Variants in MSI1 observed in about 807,000 individuals in gnomAD.
MSI1 encodes the protein RNA-binding protein Musashi homolog 1.
MSI1 carries 15 observed loss-of-function variants against 54.4 expected under a neutral mutation model. The ratio of observed to expected loss-of-function variants is 0.28; its 90% CI spans 0.18 to 0.42. The LOEUF is 0.42. Among genes scored for constraint, MSI1 ranks in the 20% least tolerant of loss-of-function variants. The pLI is 1.00. For missense variants in MSI1, 304 were observed against 506.0 expected (o/e 0.60, Z 3.83); for synonymous variants, 200 against 196.5 (o/e 1.02, Z -0.15).
intron 5 of MSI1, 72 bp from the exon 6 acceptor site, chr12:120,363,207 C>G: frequency 7.4e-7 from 1 of 1,349,090 alleles, no homozygotes; most frequent in Non-Finnish European, 1.1e-6. Context: ...GGGCTCGAGC[C>G]CCCCTGCCAG....
At chr12:120,364,676 A>G in intron 5 of MSI1, 38 bp downstream of exon 5, 2 of 1,555,496 alleles carry the variant, frequency 1.3e-6, no homozygotes, top group Middle Eastern at 1.7e-4. Flanking sequence ...AGCATTGCCC[A>G]TAGTAAGAGA....
downstream of MSI1, among the ~76,000 whole-genome samples, chr12:120,340,686 A>C (rs1343767321): frequency 6.7e-6 from 1 of 150,140 alleles, no homozygotes; most frequent in Non-Finnish European, 1.5e-5. Context: ...TAAATAATTT[A>C]ATATTTTATA....
At position 120,364,830 on chromosome 12, in the gene MSI1, C is replaced by T. The variant is rs1294872105; in HGVS notation, c.268-75G>A. 3 of 1,314,074 alleles carry T rather than the reference C, an allele frequency of 2.3e-6. No homozygotes were observed. In the East Asian group the frequency reaches 7.4e-5, roughly 32 times the overall value. 81.4% of individuals were successfully genotyped at this position (1,314,074 alleles called of 1,614,324 possible). A position where few individuals can be genotyped will look rare whatever the true frequency, so the allele number is the denominator to read the frequency against. On this transcript the variant is annotated intron_variant, in intron 4 of 14. Coordinates refer to ENST00000257552, the MANE Select transcript of MSI1 (RefSeq NM_002442.4). ...AAGAGCGACCACACAGCCTTCAGCC[C>T]TCAGGACCTCTCTCCTCCCAGGACA...
intron 14 of MSI1, among the ~76,000 whole-genome samples, chr12:120,343,491 T>A (rs1162112748): frequency 6.6e-6 from 1 of 152,114 alleles, no homozygotes. Flanking sequence ...CCCAAAGATC[T>A]GGGATTACGA....
rs1341752151 is a variant in MSI1 at position 120,341,919 on chromosome 12, G to A, written c.*1208C>T. On this transcript the variant is annotated 3_prime_UTR_variant, in exon 15 of 15. Coordinates refer to ENST00000257552, the MANE Select transcript of MSI1 (RefSeq NM_002442.4). ...AGGCCACTGTTCATGAAGGTCCAAC[G>A]CTCTGAACCTCTCTTTTTCCTTAGA... 1.6e-4 allele frequency: 25 copies of A among 152,806 alleles called. No individual in the cohort carries two copies. In the East Asian group the frequency reaches 4.6e-3, roughly 28 times the overall value. The allele number at this position is 152,806 out of a possible 1,614,324, so 9.5% of individuals were successfully genotyped here. A position where few individuals can be genotyped will look rare whatever the true frequency, so the allele number is the denominator to read the frequency against.
chr12:120,344,765 T>C (rs1299601124), intron 14 of MSI1, among the ~76,000 whole-genome samples: 1 of 151,656 alleles, frequency 6.6e-6, no homozygotes, highest in African/African-American at 2.4e-5. Flanking sequence ...CCCAGCACTT[T>C]GGGAGGCCGA....
rs112030390 is a variant in MSI1, at chr12:120,368,724, G to T, written c.100+109C>A. ...GGCGGGGCGCGAAAGAGGGCGCGAG[G>T]GCGCCCGGGGTCAGCAGGGCGCAGG... On this transcript the variant is annotated intron_variant, in intron 2 of 14. Coordinates refer to ENST00000257552, the MANE Select transcript of MSI1 (RefSeq NM_002442.4). The surrounding 1 kb of genome is among the most constrained non-coding windows in gnomAD (Gnocchi z 6.6). 2 of 1,042,746 alleles carry T rather than the reference G, an allele frequency of 1.9e-6. No homozygotes were observed. The highest frequency in any genetic ancestry group is 2.4e-6 in the Non-Finnish European group (2 of 819,092). The allele number at this position is 1,042,746 out of a possible 1,614,324, so 64.6% of individuals were successfully genotyped here.
chr12:120,353,506 T>C, intron 9 of MSI1, 127 bp from the exon 10 acceptor site: 1 of 792,488 alleles, frequency 1.3e-6, no homozygotes, highest in Admixed American at 2.2e-5. Flanking sequence ...ACCCTCCAAA[T>C]ACCTTCTTCA....
chr12:120,351,743 C>G (rs1232880679), intron 10 of MSI1, among the ~76,000 whole-genome samples: 47 of 142,228 alleles, frequency 3.3e-4, no homozygotes, highest in Non-Finnish European at 6.0e-5. Context: ...GAGTCTCGCT[C>G]TGTCGCCCGG....
At chr12:120,346,025 C>T in intron 13 of MSI1, 110 bp downstream of exon 13, 2 of 990,644 alleles carry the variant, frequency 2.0e-6, no homozygotes, top group Non-Finnish European at 2.9e-6. Context: ...ATTCATCCTC[C>T]CTCACCCTCC....
At chr12:120,363,258 A>C in intron 5 of MSI1, 123 bp from the exon 6 acceptor site, 2 of 668,574 alleles carry the variant, frequency 3.0e-6, no homozygotes, top group Non-Finnish European at 4.9e-6. Flanking sequence ...AGCCTCTTTA[A>C]AGGCCCCCCC....
intron 5 of MSI1, among the ~76,000 whole-genome samples, chr12:120,364,116 G>A (rs1875868932): frequency 6.6e-6 from 1 of 152,242 alleles, no homozygotes; most frequent in South Asian, 2.1e-4. Flanking sequence ...TTTTTTGAGT[G>A]TTGTATCACT....
At chr12:120,353,249 C>T in intron 10 of MSI1, 50 bp downstream of exon 10, 1 of 1,582,548 alleles carries the variant, frequency 6.3e-7, no homozygotes, top group Non-Finnish European at 8.7e-7. Flanking sequence ...GTCAGACTGC[C>T]CGGGAACCAG....
rs1873782871 is a variant in MSI1, at chr12:120,342,783, TG to T, written c.*343del. On this transcript the variant is annotated 3_prime_UTR_variant, in exon 15 of 15. Coordinates refer to ENST00000257552, the MANE Select transcript of MSI1 (RefSeq NM_002442.4). ...GCTATGCACAAATCCAAAAGCCTTTTGGGGAGGGGGCGGTCCTAGGGGGGCG... is the reference window on the plus strand; with the variant it reads ...GCTATGCACAAATCCAAAAGCCTTTTGGGAGGGGGCGGTCCTAGGGGGGCG... The T allele has an allele frequency of 9.2e-6, 1 of 109,274 alleles. No individual in the cohort carries two copies. Among genetic ancestry groups the T allele is most frequent in the Non-Finnish European group, 1.9e-5 (1 of 52,380 alleles). 6.8% of individuals were successfully genotyped at this position (109,274 alleles called of 1,614,324 possible).
chr12:120,364,521 C>T (rs932115270), intron 5 of MSI1, among the ~76,000 whole-genome samples, 193 bp downstream of exon 5: 5 of 152,086 alleles, frequency 3.3e-5, no homozygotes, highest in African/African-American at 9.7e-5. Flanking sequence ...CCAGAGCTCA[C>T]GTGGAAAGAC....
In MSI1 at chr12:120,368,999, G is replaced by T. The variant is rs1162401741; in HGVS notation, c.59+34C>A. The T allele has an allele frequency of 8.2e-6, 9 of 1,094,484 alleles. No homozygotes were observed. The highest frequency in any genetic ancestry group is 1.0e-5 in the Non-Finnish European group (9 of 898,740). The allele number at this position is 1,094,484 out of a possible 1,614,324, so 67.8% of individuals were successfully genotyped here. A position where few individuals can be genotyped will look rare whatever the true frequency, so the allele number is the denominator to read the frequency against. On this transcript the variant is annotated intron_variant, in intron 1 of 14. Coordinates refer to ENST00000257552, the MANE Select transcript of MSI1 (RefSeq NM_002442.4). This position sits in a 1 kb window ranked among gnomAD's most constrained non-coding sequence, Gnocchi z 6.6. Reference sequence around the variant, plus strand: ...TCGGCCATGTTGGCGGGGCCGGGGCGGGCGCGGGCCAAGCAGGCCGGGCCG... The same window carrying T: ...TCGGCCATGTTGGCGGGGCCGGGGCTGGCGCGGGCCAAGCAGGCCGGGCCG...
intron 11 of MSI1, among the ~76,000 whole-genome samples, chr12:120,347,813 G>C (rs1176692728): frequency 6.6e-6 from 1 of 152,146 alleles, no homozygotes; most frequent in East Asian, 1.9e-4. Context: ...GGTGGAGGCA[G>C]GGCACCCAAC....
intron 4 of MSI1, among the ~76,000 whole-genome samples, chr12:120,365,004 G>A (rs944786354): frequency 2.0e-5 from 3 of 152,088 alleles, no homozygotes; most frequent in East Asian, 1.9e-4. Flanking sequence ...TCTGCCTCTC[G>A]GGTTCAAGTG....
At position 120,368,878 on chromosome 12, in the gene MSI1, G is replaced by A. The variant is rs750231320; in HGVS notation, c.60-5C>T. 3.4e-6 allele frequency: 5 copies of A among 1,464,366 alleles called. No individual in the cohort carries two copies. In the South Asian group the frequency reaches 5.2e-5, roughly 15 times the overall value. The allele number at this position is 1,464,366 out of a possible 1,614,324, so 90.7% of individuals were successfully genotyped here. On this transcript the variant is annotated splice_region_variant and splice_polypyrimidine_tract_variant and intron_variant, in intron 1 of 14. Transcript: ENST00000257552. This position sits in a 1 kb window ranked among gnomAD's most constrained non-coding sequence, Gnocchi z 6.6. ...AGTCCCCCGATGAACATCTTGCTGC[G>A]GGAGGAGGAGAGACACAAAGGGCCC...
Sources: gnomAD v4.1 joint callset for allele counts (sites outside exome capture counted in the v4.1 genomes callset) on GRCh38, gnomAD v4.1.1 for gene constraint, Gnocchi (gnomAD v3.1) non-coding constraint, MANE v1.5 for transcripts, NCBI Gene and HGNC (gene_info 2026-07-23, HGNC 2026-07-21) for gene names.